MTMR7: variants seen among roughly 807,000 people sequenced by gnomAD.
The protein encoded by MTMR7 is phosphatidylinositol-3-phosphate phosphatase MTMR7.
Under a neutral mutation model 81.2 loss-of-function variants are expected in MTMR7, and 76 were observed. The observed-to-expected ratio is 0.94, with a 90% CI of 0.78 to 1.13. The LOEUF (loss-of-function observed/expected upper bound fraction) is 1.13. MTMR7 is among the 50% of genes most tolerant of loss of function. The probability of loss-of-function intolerance (pLI) is 0.00; values close to 1 mark genes in which losing one functional copy is unlikely to be tolerated. For synonymous variants in MTMR7, 372 were observed against 289.8 expected (o/e 1.28, Z -2.88); for missense variants, 1,044 against 820.0 (o/e 1.27, Z -3.34).
At chr8:17,321,802 G>A (rs1186935569) in intron 7 of MTMR7, among the ~76,000 whole-genome samples, 1 of 152,128 alleles carries the variant, frequency 6.6e-6, no homozygotes, top group Non-Finnish European at 1.5e-5. Flanking sequence ...CAGGTCTAGT[G>A]ATATTTGTTT....
intron 1 of MTMR7, among the ~76,000 whole-genome samples, chr8:17,404,263 TA>T (rs1821511752): frequency 6.6e-6 from 1 of 151,652 alleles, no homozygotes; most frequent in African/African-American, 2.4e-5. Context: ...TGGGAGGAGA[TA>T]AAAAGAGGAT....
At chr8:17,377,365 T>A (rs1014071268) in intron 1 of MTMR7, among the ~76,000 whole-genome samples, 10 of 152,078 alleles carry the variant, frequency 6.6e-5, no homozygotes, top group Non-Finnish European at 1.3e-4. Context: ...ATCTTTTAAT[T>A]CTTATCTGTG....
chr8:17,312,574 C>CA (rs10617081), intron 8 of MTMR7, among the ~76,000 whole-genome samples: 15 of 87,248 alleles, frequency 1.7e-4, no homozygotes, highest in African/African-American at 1.9e-4. Context: ...GACTCCCTCT[C>CA]AAAAAAAAAA....
chr8:17,360,385 T>C (rs576222377), intron 4 of MTMR7, among the ~76,000 whole-genome samples: 1 of 152,000 alleles, frequency 6.6e-6, no homozygotes, highest in Non-Finnish European at 1.5e-5. Context: ...TACTTACATA[T>C]GAAAAAAGTT....
intron 10 of MTMR7, among the ~76,000 whole-genome samples, chr8:17,306,171 C>T (rs1003120573): frequency 4.6e-5 from 7 of 152,062 alleles, no homozygotes; most frequent in East Asian, 1.9e-4. Context: ...GATGCGTTCA[C>T]GTTATAGTTA....
At chr8:17,404,447 C>T (rs1461879486) in intron 1 of MTMR7, among the ~76,000 whole-genome samples, 1 of 152,074 alleles carries the variant, frequency 6.6e-6, no homozygotes, top group African/African-American at 2.4e-5. Context: ...TAATAAGATC[C>T]AGGTACTATG....
intron 7 of MTMR7, among the ~76,000 whole-genome samples, chr8:17,328,572 G>A (rs1446417705): frequency 6.6e-6 from 1 of 151,946 alleles, no homozygotes; most frequent in East Asian, 1.9e-4. Flanking sequence ...GTTGGCGGGG[G>A]TGGGGGAGTG....
Position 17,335,708 on chromosome 8 carries a change from A to G in MTMR7, c.733-4426T>C, listed in dbSNP as rs149159449. On this transcript the variant is annotated intron_variant, in intron 6 of 13. Coordinates refer to ENST00000180173, the MANE Select transcript of MTMR7 (RefSeq NM_004686.5). Reference sequence around the variant, plus strand: ...GGTGCAGACACAAACATGTGAGTTGATTTTATTCCTTGCAACTATTCTCTA... The same window carrying G: ...GGTGCAGACACAAACATGTGAGTTGGTTTTATTCCTTGCAACTATTCTCTA... 4.5e-3 allele frequency among the ~76,000 whole-genome samples: 686 copies of G among 152,340 alleles called. 2 individuals are homozygous for G. Among genetic ancestry groups the G allele is most frequent in the African/African-American group, 0.016 (646 of 41,582 alleles).
In MTMR7 at chr8:17,336,358, C is replaced by G. The variant is rs10096771; in HGVS notation, c.732+5005G>C. ...CCCACAGGAAATTTCTCCATCCTTGCCCTGCCAAAAGGAGGGAGCACAGAT... is the reference window on the plus strand; with the variant it reads ...CCCACAGGAAATTTCTCCATCCTTGGCCTGCCAAAAGGAGGGAGCACAGAT... On this transcript the variant is annotated intron_variant, in intron 6 of 13. Transcript: ENST00000180173. Among the ~76,000 whole-genome samples, 628 of 152,202 alleles carry G rather than the reference C, an allele frequency of 4.1e-3. 6 individuals are homozygous for G. The highest frequency in any genetic ancestry group is 0.015 in the African/African-American group (611 of 41,526).
At chr8:17,306,419 G>T (rs1817459033) in intron 10 of MTMR7, among the ~76,000 whole-genome samples, 1 of 151,642 alleles carries the variant, frequency 6.6e-6, no homozygotes, top group Non-Finnish European at 1.5e-5. Context: ...TTCCCAAGTT[G>T]CCAAGAATAT....
chr8:17,397,792 G>A (rs1821306989), intron 1 of MTMR7, among the ~76,000 whole-genome samples: 2 of 152,164 alleles, frequency 1.3e-5, no homozygotes. Context: ...CTGGCTTCAA[G>A]TCTGACCCAG....
intron 1 of MTMR7, among the ~76,000 whole-genome samples, chr8:17,411,354 C>G (rs1330753821): frequency 6.6e-6 from 1 of 152,180 alleles, no homozygotes; most frequent in Non-Finnish European, 1.5e-5. Flanking sequence ...CTGATCCTCT[C>G]TTCAGTCTCC....
At chr8:17,338,471 G>A (rs919636306) in intron 6 of MTMR7, among the ~76,000 whole-genome samples, 2 of 152,126 alleles carry the variant, frequency 1.3e-5, no homozygotes, top group African/African-American at 2.4e-5. Context: ...TAAAGCCCCC[G>A]TCTTTTCTCT....
intron 3 of MTMR7, among the ~76,000 whole-genome samples, chr8:17,364,310 G>C (rs1212557829): frequency 6.6e-6 from 1 of 152,084 alleles, no homozygotes; most frequent in Non-Finnish European, 1.5e-5. Context: ...TGGGATCACA[G>C]GCGTGAGCCA....
chr8:17,359,584 T>TCAAAAAA (rs368724837), intron 4 of MTMR7, among the ~76,000 whole-genome samples: 1 of 135,610 alleles, frequency 7.4e-6, no homozygotes, highest in African/African-American at 2.9e-5. Flanking sequence ...CCTGTTTCCT[T>TCAAAAAA]AAAAAAAAAA....
intron 3 of MTMR7, among the ~76,000 whole-genome samples, chr8:17,364,036 T>A (rs1445636180): frequency 1.4e-5 from 2 of 138,492 alleles, no homozygotes; most frequent in African/African-American, 2.7e-5. Context: ...TTTTTTTTTT[T>A]TTTTTTTTTT....
At chr8:17,314,863 A>G (rs1817979680) in intron 7 of MTMR7, among the ~76,000 whole-genome samples, 1 of 152,178 alleles carries the variant, frequency 6.6e-6, no homozygotes, top group African/African-American at 2.4e-5. Flanking sequence ...CTACCTTTCT[A>G]AGGTCACAGT....
chr8:17,365,035 G>C (rs1362531326), intron 3 of MTMR7, among the ~76,000 whole-genome samples: 1 of 152,184 alleles, frequency 6.6e-6, no homozygotes, highest in Non-Finnish European at 1.5e-5. Context: ...CCCACCAACA[G>C]TGCATAAGCA....
chr8:17,368,899 C>G (rs1467656134), intron 3 of MTMR7, among the ~76,000 whole-genome samples: 3 of 152,222 alleles, frequency 2.0e-5, no homozygotes, highest in African/African-American at 7.2e-5. Context: ...TAATACCTAA[C>G]TCCCTTCATC....
Sources: gnomAD v4.1 joint callset for allele counts (sites outside exome capture counted in the v4.1 genomes callset) on GRCh38, gnomAD v4.1.1 for gene constraint, MANE v1.5 for transcripts, NCBI Gene and HGNC (gene_info 2026-07-23, HGNC 2026-07-21) for gene names.